Variants in TRPM3 observed in about 807,000 individuals in gnomAD.
TRPM3 encodes the protein transient receptor potential cation channel subfamily M member 3.
A neutral mutation model predicts 181.2 loss-of-function variants in TRPM3; 77 were observed. That is an observed-to-expected ratio of 0.42 (90% CI 0.35 to 0.51). The LOEUF is 0.51. TRPM3 is among the 20% of genes least tolerant of loss of function. TRPM3 has a pLI of 0.01. For missense variants in TRPM3, 1,759 were observed against 2,196.7 expected (o/e 0.80, Z 3.98); for synonymous variants, 745 against 796.4 (o/e 0.94, Z 1.09).
At chr9:71,055,498 T>A (rs2060558594) in intron 1 of TRPM3, among the ~76,000 whole-genome samples, 1 of 152,078 alleles carries the variant, frequency 6.6e-6, no homozygotes, top group Admixed American at 6.6e-5. Flanking sequence ...GCATATATCT[T>A]TATAGCCAGA....
At chr9:70,991,505 T>C (rs904649882) in intron 1 of TRPM3, among the ~76,000 whole-genome samples, 1 of 151,774 alleles carries the variant, frequency 6.6e-6, no homozygotes, top group Non-Finnish European at 1.5e-5. Context: ...TTTAGGAACT[T>C]GATAGCTGGA....
intron 1 of TRPM3, among the ~76,000 whole-genome samples, chr9:71,425,511 C>T (rs978969423): frequency 6.6e-6 from 1 of 152,110 alleles, no homozygotes; most frequent in Admixed American, 6.6e-5. Flanking sequence ...AATTCAATTG[C>T]ACCCACCACG....
intron 1 of TRPM3, among the ~76,000 whole-genome samples, chr9:71,075,502 G>T (rs1475852771): frequency 6.6e-6 from 1 of 152,062 alleles, no homozygotes; most frequent in East Asian, 1.9e-4. Context: ...TGTGGATTTC[G>T]ATAATAAATC....
chr9:70,834,960 G>T (rs758854204), intron 5 of TRPM3, among the ~76,000 whole-genome samples: 2 of 152,192 alleles, frequency 1.3e-5, no homozygotes, highest in Non-Finnish European at 2.9e-5. Context: ...GGCTTGGTGG[G>T]AAGTGTCTGG....
intron 5 of TRPM3, among the ~76,000 whole-genome samples, chr9:70,840,524 T>C (rs1589107974): frequency 6.6e-6 from 1 of 152,170 alleles, no homozygotes; most frequent in Admixed American, 6.6e-5. Context: ...CAAGACTATG[T>C]TCAGTTGGGA....
intron 6 of TRPM3, among the ~76,000 whole-genome samples, chr9:70,817,552 T>C (rs1231808012): frequency 6.6e-6 from 1 of 152,242 alleles, no homozygotes; most frequent in Non-Finnish European, 1.5e-5. Flanking sequence ...TTTATGGTTA[T>C]AAGGTGTATC....
intron 1 of TRPM3, among the ~76,000 whole-genome samples, chr9:71,042,061 G>A (rs1432890444): frequency 3.3e-5 from 5 of 152,172 alleles, no homozygotes; most frequent in East Asian, 1.9e-4. Context: ...TCTTCCATGC[G>A]AGAGACATTA....
At chr9:70,942,395 G>T (rs146665056) in intron 1 of TRPM3, among the ~76,000 whole-genome samples, 38 of 152,214 alleles carry the variant, frequency 2.5e-4, no homozygotes, top group Non-Finnish European at 4.4e-4. Flanking sequence ...TCAAGAAGAG[G>T]AAAAAGCAAA....
chr9:71,129,444 C>CT (rs1377246313), intron 1 of TRPM3, among the ~76,000 whole-genome samples: 2 of 152,010 alleles, frequency 1.3e-5, no homozygotes, highest in African/African-American at 2.4e-5. Flanking sequence ...TGATTAATAA[C>CT]TTTTTTCAAG....
At chr9:71,318,703 TAA>T in intron 1 of TRPM3, among the ~76,000 whole-genome samples, 1 of 152,300 alleles carries the variant, frequency 6.6e-6, no homozygotes, top group Non-Finnish European at 1.5e-5. Context: ...CGTTGAGAGT[TAA>T]AGAGAACTTT....
chr9:71,324,940 A>T (rs1326303086), intron 1 of TRPM3, among the ~76,000 whole-genome samples: 1 of 152,068 alleles, frequency 6.6e-6, no homozygotes, highest in African/African-American at 2.4e-5. Flanking sequence ...GAGACTGGAA[A>T]GGGTGAGTGG....
intron 21 of TRPM3, among the ~76,000 whole-genome samples, chr9:70,591,431 A>G (rs2058088768): frequency 6.6e-6 from 1 of 152,170 alleles, no homozygotes; most frequent in Non-Finnish European, 1.5e-5. Context: ...CAAAAAGTGC[A>G]CACACAGATG....
At chr9:71,393,998 A>G (rs996234826) in intron 1 of TRPM3, among the ~76,000 whole-genome samples, 1 of 152,202 alleles carries the variant, frequency 6.6e-6, no homozygotes, top group African/African-American at 2.4e-5. Flanking sequence ...TACAGAAAAA[A>G]AAATGTGTAT....
intron 1 of TRPM3, among the ~76,000 whole-genome samples, chr9:71,363,864 G>C (rs1454140976): frequency 6.6e-6 from 1 of 152,098 alleles, no homozygotes; most frequent in Non-Finnish European, 1.5e-5. Flanking sequence ...GCCTGGCATA[G>C]ACCCCACTGT....
chr9:70,864,520 G>GAAAAC lies in TRPM3; in HGVS notation c.178-14_178-10dup. 2 of 386,930 alleles carry GAAAAC rather than the reference G, an allele frequency of 5.2e-6. No homozygotes were observed. The highest frequency in any genetic ancestry group is 6.9e-6 in the Non-Finnish European group (2 of 290,742). 24.0% of individuals were successfully genotyped at this position (386,930 alleles called of 1,614,324 possible). On this transcript the variant is annotated splice_polypyrimidine_tract_variant and intron_variant, in intron 1 of 25. Transcript: ENST00000677713. The stretch of plus-strand genomic sequence containing the variant: ...ATCCAGGATTTCTGAGCCTGAAAAA[G>GAAAAC]AAAACAAAAAAAAAAAAAAAAGAAA...
intron 1 of TRPM3, among the ~76,000 whole-genome samples, chr9:71,154,372 C>G (rs73647953): frequency 6.6e-6 from 1 of 152,012 alleles, no homozygotes; most frequent in African/African-American, 2.4e-5. Context: ...AGCTAGGAGG[C>G]AAGTCTTTTT....
At chr9:70,919,872 C>A (rs914227442) in intron 1 of TRPM3, among the ~76,000 whole-genome samples, 3 of 151,750 alleles carry the variant, frequency 2.0e-5, no homozygotes, top group African/African-American at 7.3e-5. Flanking sequence ...ATTTTATTTG[C>A]GTATGCTCTT....
At chr9:71,411,268 G>A (rs994283153) in intron 1 of TRPM3, among the ~76,000 whole-genome samples, 7 of 152,230 alleles carry the variant, frequency 4.6e-5, no homozygotes, top group African/African-American at 1.7e-4. Flanking sequence ...TCAGACAGGA[G>A]AAAGAAATAA....
chr9:70,634,962 CA>C (rs1796234953), intron 12 of TRPM3, among the ~76,000 whole-genome samples: 1 of 152,054 alleles, frequency 6.6e-6, no homozygotes, highest in South Asian at 2.1e-4. Flanking sequence ...TTCCGCTACC[CA>C]AAAGCATTAT....
Sources: gnomAD v4.1 joint callset for allele counts (sites outside exome capture counted in the v4.1 genomes callset) on GRCh38, gnomAD v4.1.1 for gene constraint, MANE v1.5 for transcripts, NCBI Gene and HGNC (gene_info 2026-07-23, HGNC 2026-07-21) for gene names.